The following EIF2AK4 variants were observed in gnomAD, a reference collection of about 807,000 sequenced individuals.
The protein encoded by EIF2AK4 is eIF-2-alpha kinase GCN2.
Under a neutral mutation model 211.1 loss-of-function variants are expected in EIF2AK4, and 139 were observed. The observed-to-expected ratio is 0.66, with a 90% CI of 0.57 to 0.76. EIF2AK4 has a LOEUF of 0.76. Among genes scored for constraint, EIF2AK4 ranks in the 30% least tolerant of loss-of-function variants. The probability of loss-of-function intolerance (pLI) is 0.00; values close to 1 mark genes in which losing one functional copy is unlikely to be tolerated. For missense variants in EIF2AK4, 1,664 were observed against 2,043.8 expected (o/e 0.81, Z 3.58); for synonymous variants, 710 against 751.3 (o/e 0.94, Z 0.90).
intron 13 of EIF2AK4, among the ~76,000 whole-genome samples, chr15:39,984,013 T>C (rs1254378260): frequency 6.6e-6 from 1 of 152,254 alleles, no homozygotes; most frequent in African/African-American, 2.4e-5. Context: ...TAATCCATCT[T>C]GAGTTAATTT....
intron 23 of EIF2AK4, among the ~76,000 whole-genome samples, chr15:40,004,298 T>C (rs1294914467): frequency 6.6e-6 from 1 of 152,236 alleles, no homozygotes; most frequent in African/African-American, 2.4e-5. Context: ...CATCAGTGTA[T>C]GAATGTTAAA....
chr15:39,990,475 A>C, intron 16 of EIF2AK4, 98 bp downstream of exon 16: 1 of 1,001,536 alleles, frequency 1.0e-6, no homozygotes, highest in Non-Finnish European at 1.5e-6. Context: ...TCACAGAACT[A>C]TGCCGTCTAA....
intron 15 of EIF2AK4, among the ~76,000 whole-genome samples, chr15:39,989,340 T>C (rs984326912): frequency 6.6e-6 from 1 of 152,264 alleles, no homozygotes; most frequent in Non-Finnish European, 1.5e-5. Flanking sequence ...ATGTTTGTAC[T>C]GTACCGTATT....
In EIF2AK4 at chr15:39,996,961, C is replaced by T. The variant is rs1380281276; in HGVS notation, c.2767-3C>T. ...TCTAAATGCAATTATTCTTCCCCCT[C>T]AGAAAGTGGATCTCTTCAGCCTGGG... On this transcript the variant is annotated splice_region_variant and splice_polypyrimidine_tract_variant and intron_variant, in intron 18 of 38. Coordinates refer to ENST00000263791, the MANE Select transcript of EIF2AK4 (RefSeq NM_001013703.4). The T allele has an allele frequency of 6.2e-7, 1 of 1,602,806 alleles. No homozygotes were observed. The highest frequency in any genetic ancestry group is 1.7e-5 in the Admixed American group (1 of 59,964).
chr15:40,030,520 G>A, intron 35 of EIF2AK4, 64 bp downstream of exon 35: 2 of 1,441,152 alleles, frequency 1.4e-6, no homozygotes, highest in Non-Finnish European at 9.4e-7. Context: ...AACAACAACA[G>A]GAAAGGAAAA....
chr15:39,970,173 C>A (rs954397835), intron 9 of EIF2AK4, among the ~76,000 whole-genome samples: 2 of 152,184 alleles, frequency 1.3e-5, no homozygotes, highest in Admixed American at 6.5e-5. Context: ...TGTTGCCAGG[C>A]ATTTTATCCC....
Position 39,934,804 on chromosome 15 carries a change from C to A in EIF2AK4, c.144+465C>A, listed in dbSNP as rs1305623722. Among the ~76,000 whole-genome samples, 3 of 152,206 alleles carry A rather than the reference C, an allele frequency of 2.0e-5. No individual in the cohort carries two copies. In the East Asian group the frequency reaches 5.8e-4, roughly 29 times the overall value. On this transcript the variant is annotated intron_variant, in intron 1 of 38. Transcript: ENST00000263791. ...AGTCTCATCCATGCATTCAAATCTG[C>A]ACGCCACATAATTCCCTCTGTACTC...
chr15:39,952,824 T>C (rs997615378), intron 4 of EIF2AK4, among the ~76,000 whole-genome samples: 13 of 152,010 alleles, frequency 8.6e-5, no homozygotes, highest in African/African-American at 2.9e-4. Flanking sequence ...TGTTGGGAGT[T>C]TGTAGTTCTT....
intron 3 of EIF2AK4, among the ~76,000 whole-genome samples, chr15:39,948,240 G>A (rs1046510765): frequency 4.6e-5 from 7 of 152,100 alleles, no homozygotes; most frequent in African/African-American, 1.7e-4. Flanking sequence ...TTACCACCCT[G>A]TTAAGTCCCT....
chr15:39,947,859 T>C (rs1351556332), intron 3 of EIF2AK4, among the ~76,000 whole-genome samples: 2 of 152,240 alleles, frequency 1.3e-5, no homozygotes, highest in African/African-American at 4.8e-5. Context: ...AGAAGGTTTA[T>C]CAGGTTGATT....
intron 30 of EIF2AK4, among the ~76,000 whole-genome samples, chr15:40,019,566 A>C (rs539388723): frequency 6.6e-6 from 1 of 152,152 alleles, no homozygotes; most frequent in African/African-American, 2.4e-5. Context: ...ATTAGATTCT[A>C]TAGGAGCATG....
chr15:40,030,125 AC>A (rs1222128795), intron 34 of EIF2AK4, among the ~76,000 whole-genome samples: 1 of 150,662 alleles, frequency 6.6e-6, no homozygotes, highest in Non-Finnish European at 1.5e-5. Context: ...CCCTTCCACC[AC>A]CCCCCAACCC....
At chr15:39,997,763 A>T (rs560089573) in intron 19 of EIF2AK4, among the ~76,000 whole-genome samples, 70 of 152,288 alleles carry the variant, frequency 4.6e-4, no homozygotes, top group African/African-American at 1.6e-3. Flanking sequence ...GCCTGAGCTA[A>T]AAAGGGACCA....
intron 14 of EIF2AK4, among the ~76,000 whole-genome samples, 173 bp downstream of exon 14, chr15:39,986,061 A>G (rs1051082768): frequency 6.6e-6 from 1 of 152,136 alleles, no homozygotes; most frequent in Non-Finnish European, 1.5e-5. Context: ...CCTTGAACTC[A>G]TGCTTTCCTG....
Position 39,961,667 on chromosome 15 carries a change from A to T in EIF2AK4, c.744-117A>T, listed in dbSNP as rs1595549605. 8.1e-6 allele frequency: 6 copies of T among 742,384 alleles called. No homozygotes were observed. The East Asian group carries it at 1.7e-4, about 21-fold the overall frequency. 46.0% of individuals were successfully genotyped at this position (742,384 alleles called of 1,614,324 possible). A position where few individuals can be genotyped will look rare whatever the true frequency, so the allele number is the denominator to read the frequency against. ...CGAGTGGGCTAATAAACAGTAATAA[A>T]CGGGAGAAAATGGAGGGGCATTCTT... On this transcript the variant is annotated intron_variant, in intron 6 of 38. Coordinates refer to ENST00000263791, the MANE Select transcript of EIF2AK4 (RefSeq NM_001013703.4).
At chr15:39,958,510 A>G (rs2140907809) in intron 6 of EIF2AK4, among the ~76,000 whole-genome samples, 1 of 152,338 alleles carries the variant, frequency 6.6e-6, no homozygotes, top group Admixed American at 6.5e-5. Context: ...TTGGGGAACC[A>G]TTAAAGTATA....
At chr15:40,003,347 A>T (rs918334734) in intron 23 of EIF2AK4, 33 bp downstream of exon 23, 1 of 1,612,540 alleles carries the variant, frequency 6.2e-7, no homozygotes, top group Admixed American at 1.7e-5. Flanking sequence ...GACAATCAGA[A>T]TGCTGTATCT....
chr15:39,939,610 C>A lies in EIF2AK4; in HGVS notation c.250C>A (p.Pro84Thr). 6.2e-7 allele frequency: 1 copy of A among 1,605,996 alleles called. No individual in the cohort carries two copies. The highest frequency in any genetic ancestry group is 8.5e-7 in the Non-Finnish European group (1 of 1,175,064). Residue 84 changes from proline (P) to threonine (T), a missense_variant, in exon 2 of 39, where the codon CCA becomes ACA. Physicochemically the swap from Pro to Thr is conservative, Grantham distance 38 (BLOSUM62 -1). Coordinates refer to ENST00000263791, the MANE Select transcript of EIF2AK4 (RefSeq NM_001013703.4). ...GAGGGTTAAATGCCCACCTACCTAT[C>A]CAGATGTGTGAGTACATTTATAAAT... The part of the protein sequence containing the change: ...DLRVKCPPTY[P>T]DVVPEIELKN...
intron 9 of EIF2AK4, among the ~76,000 whole-genome samples, chr15:39,970,784 T>C (rs990894787): frequency 6.6e-6 from 1 of 152,204 alleles, no homozygotes; most frequent in Non-Finnish European, 1.5e-5. Context: ...AATGTTTTAA[T>C]ATTTGCAAGG....
Sources: gnomAD v4.1 joint callset for allele counts (sites outside exome capture counted in the v4.1 genomes callset) on GRCh38, gnomAD v4.1.1 for gene constraint, MANE v1.5 for transcripts, NCBI Gene and HGNC (gene_info 2026-07-23, HGNC 2026-07-21) for gene names.